Variants in CEMIP observed in about 807,000 individuals in gnomAD.
CEMIP encodes cell migration-inducing and hyaluronan-binding protein.
In CEMIP, 105 loss-of-function variants were observed where a neutral mutation model predicts 156.9. That is an observed-to-expected ratio of 0.67 (90% CI 0.57 to 0.79). The LOEUF (loss-of-function observed/expected upper bound fraction) is 0.79. Among genes scored for constraint, CEMIP ranks in the 30% least tolerant of loss-of-function variants. The pLI is 0.00. For synonymous variants in CEMIP, 676 were observed against 668.4 expected (o/e 1.01, Z -0.17); for missense variants, 1,457 against 1,769.4 (o/e 0.82, Z 3.17).
intron 1 of CEMIP, among the ~76,000 whole-genome samples, chr15:80,812,085 C>T (rs1896685849): frequency 6.6e-6 from 1 of 152,138 alleles, no homozygotes; most frequent in African/African-American, 2.4e-5. Flanking sequence ...AGCATCGTAG[C>T]ACACTACAGG....
At chr15:80,840,935 G>A (rs527328711) in intron 1 of CEMIP, among the ~76,000 whole-genome samples, 158 of 152,342 alleles carry the variant, frequency 1.0e-3, no homozygotes, top group African/African-American at 3.7e-3. Flanking sequence ...AGCTGACAAA[G>A]CAGTTCTCTG....
chr15:80,846,567 A>G (rs1435310019), intron 1 of CEMIP, among the ~76,000 whole-genome samples: 1 of 152,200 alleles, frequency 6.6e-6, no homozygotes, highest in African/African-American at 2.4e-5. Flanking sequence ...CCGGGGTGGT[A>G]CTGATACTGC....
chr15:80,886,274 G>A (rs1419519341), intron 7 of CEMIP, among the ~76,000 whole-genome samples: 1 of 152,158 alleles, frequency 6.6e-6, no homozygotes, highest in African/African-American at 2.4e-5. Context: ...GCGAGGCAGT[G>A]GCAGTATATG....
rs75746422 is a variant in CEMIP, at chr15:80,928,060, C to T, written c.2421-842C>T. On this transcript the variant is annotated intron_variant, in intron 19 of 29. Coordinates refer to ENST00000394685, the MANE Select transcript of CEMIP (RefSeq NM_001293298.2). Reference sequence around the variant, plus strand: ...TGGATCTATGAAGGATATAAAGCCACGGAAGTTTTAGGGACCAGAGAGGCT... The same window carrying T: ...TGGATCTATGAAGGATATAAAGCCATGGAAGTTTTAGGGACCAGAGAGGCT... 3.2e-3 allele frequency among the ~76,000 whole-genome samples: 492 copies of T among 152,196 alleles called. 4 individuals are homozygous for T. Among genetic ancestry groups the T allele is most frequent in the Non-Finnish European group, 5.6e-3 (380 of 68,020 alleles).
intron 1 of CEMIP, among the ~76,000 whole-genome samples, chr15:80,831,410 C>T (rs895097262): frequency 8.6e-5 from 13 of 152,044 alleles, no homozygotes; most frequent in South Asian, 8.3e-4. Flanking sequence ...CAGTGGGCCA[C>T]GGCACTTCCC....
Position 80,936,839 on chromosome 15 carries a change from C to G in CEMIP, c.3175C>G (p.Gln1059Glu). The change falls in exon 24 of 30, where the codon CAG becomes GAG. Residue 1059 changes from glutamine to glutamate, a missense_variant. This residue lies in a region of CEMIP where 798 missense variants were observed against 980.1 expected (regional missense o/e 0.81). Coordinates refer to ENST00000394685, the MANE Select transcript of CEMIP (RefSeq NM_001293298.2). ...LQKGYTIHWD[Q>E]TAPAELAIWL... ...GAAGGGCTACACCATCCACTGGGAC[C>G]AGACGGCCCCCGCCGAACTCGCCAT... 6.2e-7 allele frequency: 1 copy of G among 1,614,152 alleles called. No individual in the cohort carries two copies. The highest frequency in any genetic ancestry group is 8.5e-7 in the Non-Finnish European group (1 of 1,180,054).
intron 14 of CEMIP, among the ~76,000 whole-genome samples, chr15:80,916,601 A>G (rs193060310): frequency 2.0e-5 from 3 of 152,110 alleles, no homozygotes. Context: ...CCATCTATCT[A>G]TATCTATCTA....
In CEMIP at chr15:80,909,212, G is replaced by C; in HGVS notation, c.1703G>C (p.Arg568Thr). Residue 568 changes from arginine (R) to threonine (T), a missense_variant, in exon 14 of 30, where the codon AGG (arginine) becomes ACG (threonine). Transcript: ENST00000394685. ...CACCTGGCCGGTGATGTAGACGAAA[G>C]GGGAGGTTATGACCCACCCACATAC... ...HFHLAGDVDE[R>T]GGYDPPTYIR... The C allele has an allele frequency of 6.2e-7, 1 of 1,614,130 alleles. No individual in the cohort carries two copies. Among genetic ancestry groups the C allele is most frequent in the Non-Finnish European group, 8.5e-7 (1 of 1,180,032 alleles).
chr15:80,843,892 A>G (rs1897488131), intron 1 of CEMIP, among the ~76,000 whole-genome samples: 1 of 152,194 alleles, frequency 6.6e-6, no homozygotes. Flanking sequence ...TTTGGAAAGT[A>G]TGAGACCCCT....
chr15:80,821,946 T>C lies in CEMIP; in HGVS notation c.-176+42332T>C, dbSNP rs561316310. On this transcript the variant is annotated intron_variant, in intron 1 of 29. Coordinates refer to ENST00000394685, the MANE Select transcript of CEMIP (RefSeq NM_001293298.2). ...CATGTTGGAAGGCTGTTGTTTGCCA[T>C]TGGGCACCTGAAGAGTGACACAGCT... is the stretch of plus-strand genomic sequence containing the variant. Among the ~76,000 whole-genome samples the C allele has an allele frequency of 4.6e-5, 7 of 152,366 alleles. No homozygotes were observed. The South Asian group carries it at 8.3e-4, about 18-fold the overall frequency.
In CEMIP at chr15:80,832,118, C is replaced by A. The variant is rs1897169058; in HGVS notation, c.-175-41420C>A. ...CTGGCATACACCATGCAGGAAGCAC[C>A]CTTCCAAGTCGGCTGGCCTGCTTTT... On this transcript the variant is annotated intron_variant, in intron 1 of 29. Coordinates refer to ENST00000394685, the MANE Select transcript of CEMIP (RefSeq NM_001293298.2). 4.6e-5 allele frequency among the ~76,000 whole-genome samples: 7 copies of A among 152,134 alleles called. No homozygotes were observed. The South Asian group carries it at 1.4e-3, about 31-fold the overall frequency.
intron 2 of CEMIP, 82 bp downstream of exon 2, chr15:80,873,778 T>C: frequency 1.1e-6 from 1 of 903,262 alleles, no homozygotes. Context: ...TGTGTGCATG[T>C]GGCTCTGTTT....
intron 1 of CEMIP, among the ~76,000 whole-genome samples, chr15:80,839,443 G>T (rs1479073261): frequency 6.6e-6 from 1 of 152,140 alleles, no homozygotes; most frequent in Non-Finnish European, 1.5e-5. Context: ...TTCTGAGGGA[G>T]TCAAGTGCAA....
At chr15:80,855,006 C>A (rs891786662) in intron 1 of CEMIP, among the ~76,000 whole-genome samples, 9 of 152,196 alleles carry the variant, frequency 5.9e-5, no homozygotes, top group Admixed American at 5.9e-4. Context: ...GCCTGGGCAA[C>A]AGGACATAGT....
chr15:80,815,007 G>A (rs777260042), intron 1 of CEMIP, among the ~76,000 whole-genome samples: 1 of 152,180 alleles, frequency 6.6e-6, no homozygotes, highest in Non-Finnish European at 1.5e-5. Flanking sequence ...TTTCAATACA[G>A]GTGGAGAGTG....
At chr15:80,930,954 A>G (rs551579817) in intron 21 of CEMIP, among the ~76,000 whole-genome samples, 1 of 152,344 alleles carries the variant, frequency 6.6e-6, no homozygotes, top group South Asian at 2.1e-4. Flanking sequence ...GCCAGGCCCA[A>G]GAAGGACCAC....
intron 1 of CEMIP, among the ~76,000 whole-genome samples, chr15:80,819,029 G>T (rs985054212): frequency 3.9e-5 from 6 of 152,328 alleles, no homozygotes; most frequent in Middle Eastern, 6.8e-3. Context: ...GTTCAGCCCA[G>T]CCTGGGCATC....
At chr15:80,870,005 G>T (rs976990744) in intron 1 of CEMIP, among the ~76,000 whole-genome samples, 41 of 152,266 alleles carry the variant, frequency 2.7e-4, no homozygotes, top group African/African-American at 9.6e-4. Flanking sequence ...ACTGACCACG[G>T]GTCACAGTGT....
At chr15:80,832,481 G>A (rs956156931) in intron 1 of CEMIP, among the ~76,000 whole-genome samples, 3 of 151,962 alleles carry the variant, frequency 2.0e-5, no homozygotes, top group Non-Finnish European at 4.4e-5. Flanking sequence ...ATTCACTCCC[G>A]GCTCTCATTT....
Sources: allele counts gnomAD v4.1 joint callset (sites outside exome capture counted in the v4.1 genomes callset), GRCh38; gene constraint gnomAD v4.1.1; regional missense constraint gnomAD v4.1.1; transcripts MANE v1.5; gene names NCBI Gene and HGNC (gene_info 2026-07-23, HGNC 2026-07-21).